The following APBA2 variants were observed in gnomAD, a reference collection of about 807,000 sequenced individuals.
The protein encoded by APBA2 is amyloid-beta A4 precursor protein-binding family A member 2.
Under a neutral mutation model 75.0 loss-of-function variants are expected in APBA2, and 30 were observed. The ratio of observed to expected loss-of-function variants is 0.40; its 90% CI spans 0.30 to 0.54. The LOEUF is 0.54. APBA2 is among the 20% of genes least tolerant of loss of function. The pLI, the probability that APBA2 is intolerant of heterozygous loss-of-function variation, is 0.49. For missense variants in APBA2, 801 were observed against 1,016.1 expected, an observed-to-expected ratio of 0.79 and a Z score of 2.88; for synonymous variants, 444 against 409.6, an observed-to-expected ratio of 1.08 and a Z score of -1.01.
At chr15:28,911,986 G>A (rs1191811954) in intron 1 of APBA2, among the ~76,000 whole-genome samples, 6 of 152,170 alleles carry the variant, frequency 3.9e-5, no homozygotes, top group Admixed American at 1.3e-4. Flanking sequence ...CATCATCTTC[G>A]GAAATCCTAT....
At chr15:28,892,619 C>T (rs1335312349) in intron 1 of APBA2, among the ~76,000 whole-genome samples, 1 of 151,172 alleles carries the variant, frequency 6.6e-6, no homozygotes, top group South Asian at 2.1e-4. Context: ...TGCCATTAAG[C>T]GATGCATAAC....
chr15:28,903,810 A>C (rs546590086), intron 1 of APBA2, among the ~76,000 whole-genome samples: 1 of 152,248 alleles, frequency 6.6e-6, no homozygotes, highest in Non-Finnish European at 1.5e-5. Flanking sequence ...GTGGTGGGCC[A>C]GTGGTGGGAA....
intron 9 of APBA2, 76 bp from the exon 10 acceptor site, chr15:29,101,523 T>G: frequency 2.6e-6 from 4 of 1,513,476 alleles, no homozygotes; most frequent in Non-Finnish European, 3.6e-6. Context: ...TGAGCCACCA[T>G]GCCCAGCCCT....
Position 29,054,523 on chromosome 15 carries a change from G to C in APBA2, c.639G>C (p.Arg213Ser). Residue 213 changes from arginine to serine, a missense_variant, in exon 4 of 15, where the codon AGG (arginine) becomes AGC (serine). This residue lies in a region of APBA2 where 434 missense variants were observed against 471.6 expected (regional missense o/e 0.92). Coordinates refer to ENST00000683413, the MANE Select transcript of APBA2 (RefSeq NM_001353788.2). The surrounding 1 kb of genome is among the most constrained non-coding windows in gnomAD (Gnocchi z 6.1). The stretch of plus-strand genomic sequence containing the variant: ...CCGGCGCCTCCCCCTACCGCCTGAG[G>C]CGTGGGGATGGGGACCTGGAGGACC... Reference protein sequence around the residue: ...GNTGASPYRLRRGDGDLEDQE... With the variant: ...GNTGASPYRLSRGDGDLEDQE... 5 of 1,613,480 alleles carry C rather than the reference G, an allele frequency of 3.1e-6. No individual in the cohort carries two copies. The highest frequency in any genetic ancestry group is 1.6e-4 in the Middle Eastern group (1 of 6,062).
At chr15:28,933,634 G>A (rs914493624) in intron 2 of APBA2, among the ~76,000 whole-genome samples, 1 of 152,234 alleles carries the variant, frequency 6.6e-6, no homozygotes, top group Admixed American at 6.5e-5. Flanking sequence ...CGGATTTTCA[G>A]ACCTTATCAT....
chr15:28,920,094 C>G (rs570624378), intron 1 of APBA2, among the ~76,000 whole-genome samples: 1 of 152,106 alleles, frequency 6.6e-6, no homozygotes, highest in Middle Eastern at 3.2e-3. Flanking sequence ...TGTGCCCTCT[C>G]GGGGCCAGGT....
chr15:28,908,350 G>C (rs1031922196), intron 1 of APBA2, among the ~76,000 whole-genome samples: 2 of 140,696 alleles, frequency 1.4e-5, no homozygotes. Flanking sequence ...TTGCTCTGTC[G>C]CCCAGGCTGG....
At chr15:28,890,719 A>C (rs1237703962) in intron 1 of APBA2, among the ~76,000 whole-genome samples, 1 of 152,204 alleles carries the variant, frequency 6.6e-6, no homozygotes, top group Non-Finnish European at 1.5e-5. Context: ...AGTCTTTCTC[A>C]GCATCTGCAA....
rs1566796456 is a variant in APBA2, at chr15:28,918,454, C to A, written c.-204-3186C>A. The stretch of plus-strand genomic sequence containing the variant: ...GTCCCTGTCCTTGGAGGAAGCAGGA[C>A]TCCCAGGTGGGAGAGGTGAAGCAGA... On this transcript the variant is annotated intron_variant, in intron 1 of 14. Coordinates refer to ENST00000683413, the MANE Select transcript of APBA2 (RefSeq NM_001353788.2). This position sits in a 1 kb window ranked among gnomAD's most constrained non-coding sequence, Gnocchi z 4.2. Among the ~76,000 whole-genome samples, 1 of 152,194 alleles carries A rather than the reference C, an allele frequency of 6.6e-6. No homozygotes were observed. The highest frequency in any genetic ancestry group is 1.5e-5 in the Non-Finnish European group (1 of 68,032).
intron 1 of APBA2, among the ~76,000 whole-genome samples, chr15:28,898,875 C>T (rs1298760606): frequency 6.6e-6 from 1 of 152,170 alleles, no homozygotes; most frequent in Non-Finnish European, 1.5e-5. Context: ...CAGATGCACA[C>T]TATATTTTCT....
chr15:29,023,441 CTTTTTTTTTTTTTTTTTTTT>C (rs10604525), intron 3 of APBA2, among the ~76,000 whole-genome samples: 6 of 73,302 alleles, frequency 8.2e-5, no homozygotes, highest in African/African-American at 3.8e-4. Context: ...TACCTTTTTC[CTTTTTTTTTTTTTTTTTTTT>C]TTTTTTTTTT....
chr15:28,893,717 G>A (rs531160853), intron 1 of APBA2, among the ~76,000 whole-genome samples: 3 of 152,316 alleles, frequency 2.0e-5, no homozygotes, highest in African/African-American at 7.2e-5. Flanking sequence ...CGGTTGTTGG[G>A]GAAGACATCT....
chr15:29,056,661 C>CTCTCTCTT (rs2041916866), intron 4 of APBA2, among the ~76,000 whole-genome samples: 1 of 118,414 alleles, frequency 8.4e-6, no homozygotes, highest in Non-Finnish European at 1.7e-5. Flanking sequence ...CTCTCTCTCT[C>CTCTCTCTT]TCTTTCTTTC....
At chr15:28,951,730 G>A (rs1019775296) in intron 2 of APBA2, among the ~76,000 whole-genome samples, 2 of 151,684 alleles carry the variant, frequency 1.3e-5, no homozygotes, top group African/African-American at 2.4e-5. Context: ...GACTACAGGC[G>A]TGTGCCACCA....
intron 2 of APBA2, chr15:28,970,290 G>T (rs1046794734): frequency 8.6e-5 from 13 of 151,228 alleles, no homozygotes; most frequent in Admixed American, 7.2e-4. Flanking sequence ...TTTATACAAC[G>T]TATATATTAT....
intron 1 of APBA2, among the ~76,000 whole-genome samples, chr15:28,897,191 A>G (rs956118170): frequency 6.6e-6 from 1 of 151,430 alleles, no homozygotes; most frequent in Non-Finnish European, 1.5e-5. Flanking sequence ...CGACACACAC[A>G]CACACACACA....
At chr15:28,908,179 C>T (rs1385703778) in intron 1 of APBA2, among the ~76,000 whole-genome samples, 1 of 152,124 alleles carries the variant, frequency 6.6e-6, no homozygotes, top group Non-Finnish European at 1.5e-5. Context: ...TTTGCATGCT[C>T]CTTACAGTTC....
At chr15:28,952,851 G>T (rs1372473906) in intron 2 of APBA2, among the ~76,000 whole-genome samples, 1 of 152,104 alleles carries the variant, frequency 6.6e-6, no homozygotes, top group Non-Finnish European at 1.5e-5. Flanking sequence ...TATCTCCATT[G>T]TATAGATAGA....
intron 3 of APBA2, among the ~76,000 whole-genome samples, chr15:28,996,900 G>A (rs74845908): frequency 0.059 from 9,005 of 152,224 alleles, 808 homozygotes; most frequent in African/African-American, 0.2. Flanking sequence ...CAGTTGTGAG[G>A]GGACGGATGA....
Sources: gnomAD v4.1 joint callset for allele counts (sites outside exome capture counted in the v4.1 genomes callset) on GRCh38, gnomAD v4.1.1 for gene constraint, gnomAD v4.1.1 regional missense constraint, Gnocchi (gnomAD v3.1) non-coding constraint, MANE v1.5 for transcripts, NCBI Gene and HGNC (gene_info 2026-07-23, HGNC 2026-07-21) for gene names.